SORCS1: variants seen among roughly 807,000 people sequenced by gnomAD.
SORCS1 encodes the protein sortilin related VPS10 domain containing receptor 1, also known as VPS10 domain-containing receptor SorCS1.
In SORCS1, 60 loss-of-function variants were observed where a neutral mutation model predicts 146.1. The observed-to-expected ratio is 0.41, with a 90% CI of 0.33 to 0.51. SORCS1 has a LOEUF of 0.51. Among genes scored for constraint, SORCS1 ranks in the 20% least tolerant of loss-of-function variants. The pLI is 0.21. For synonymous variants in SORCS1, 637 were observed against 584.0 expected (o/e 1.09, Z -1.31); for missense variants, 1,352 against 1,487.6 (o/e 0.91, Z 1.50).
chr10:106,959,899 T>A (rs1955140808), intron 1 of SORCS1, among the ~76,000 whole-genome samples: 1 of 152,186 alleles, frequency 6.6e-6, no homozygotes, highest in South Asian at 2.1e-4. Flanking sequence ...CACACAATTT[T>A]CATGTATAGA....
intron 2 of SORCS1, among the ~76,000 whole-genome samples, chr10:106,848,194 C>A (rs1264888598): frequency 2.4e-5 from 2 of 84,228 alleles, no homozygotes; most frequent in African/African-American, 9.2e-5. Context: ...GTGTTAAAGT[C>A]TCCCATTATT....
intron 1 of SORCS1, among the ~76,000 whole-genome samples, chr10:107,040,584 C>A (rs992679363): frequency 6.6e-6 from 1 of 152,170 alleles, no homozygotes; most frequent in African/African-American, 2.4e-5. Context: ...AAGCACCTTT[C>A]TGAATTTAGG....
chr10:107,087,992 C>T (rs566583205), intron 1 of SORCS1, among the ~76,000 whole-genome samples: 3 of 152,212 alleles, frequency 2.0e-5, no homozygotes, highest in Non-Finnish European at 4.4e-5. Context: ...GATCTCGGCT[C>T]ACGGCAAGCT....
intron 2 of SORCS1, among the ~76,000 whole-genome samples, chr10:106,850,243 G>A (rs1436993826): frequency 9.9e-5 from 15 of 152,188 alleles, no homozygotes; most frequent in Middle Eastern, 3.4e-3. Context: ...GCGAGACTCC[G>A]TGGGTGGAGG....
At chr10:107,063,470 T>C (rs1961434190) in intron 1 of SORCS1, among the ~76,000 whole-genome samples, 3 of 152,360 alleles carry the variant, frequency 2.0e-5, no homozygotes, top group African/African-American at 7.2e-5. Flanking sequence ...TTTCCCATTC[T>C]GGTTAATAAA....
At chr10:106,880,873 G>C (rs543776528) in intron 2 of SORCS1, among the ~76,000 whole-genome samples, 1 of 151,952 alleles carries the variant, frequency 6.6e-6, no homozygotes, top group African/African-American at 2.4e-5. Context: ...CGGATCACAA[G>C]GTCAGGAGAT....
At chr10:106,989,007 T>A (rs959437823) in intron 1 of SORCS1, among the ~76,000 whole-genome samples, 42 of 151,180 alleles carry the variant, frequency 2.8e-4, no homozygotes, top group African/African-American at 9.7e-4. Flanking sequence ...ACACCCGTAA[T>A]CCCAGCACTT....
intron 5 of SORCS1, among the ~76,000 whole-genome samples, chr10:106,761,104 AAAATAAAT>A (rs537373352): frequency 6.6e-6 from 1 of 152,050 alleles, no homozygotes; most frequent in Non-Finnish European, 1.5e-5. Context: ...GAGACTGTCT[AAAATAAAT>A]AAATAAATAA....
intron 1 of SORCS1, among the ~76,000 whole-genome samples, chr10:107,138,069 C>A (rs2134691510): frequency 6.6e-6 from 1 of 152,234 alleles, no homozygotes; most frequent in East Asian, 1.9e-4. Context: ...ACAATAATCA[C>A]AGCCAAAATA....
intron 1 of SORCS1, among the ~76,000 whole-genome samples, chr10:107,021,084 C>G (rs1236091741): frequency 6.6e-6 from 1 of 152,036 alleles, no homozygotes; most frequent in Non-Finnish European, 1.5e-5. Context: ...TGGGTGCACA[C>G]ATGAATACAC....
intron 2 of SORCS1, among the ~76,000 whole-genome samples, chr10:106,893,941 CAGA>C (rs1951343078): frequency 6.6e-6 from 1 of 152,112 alleles, no homozygotes; most frequent in Non-Finnish European, 1.5e-5. Context: ...TTTATTTGCA[CAGA>C]AGTTTTTCAT....
chr10:107,147,504 C>T (rs1163902157), intron 1 of SORCS1, among the ~76,000 whole-genome samples: 1 of 152,134 alleles, frequency 6.6e-6, no homozygotes, highest in Non-Finnish European at 1.5e-5. Flanking sequence ...CTCTCTCTCT[C>T]TGTCTCTCTG....
intron 3 of SORCS1, among the ~76,000 whole-genome samples, chr10:106,778,070 G>A (rs1029513453): frequency 6.6e-6 from 1 of 152,080 alleles, no homozygotes; most frequent in African/African-American, 2.4e-5. Context: ...CAAGCATTTG[G>A]AGGCAATCAT....
At chr10:107,109,292 T>TGCA (rs747140823) in intron 1 of SORCS1, among the ~76,000 whole-genome samples, 28 of 152,364 alleles carry the variant, frequency 1.8e-4, no homozygotes, top group Non-Finnish European at 4.0e-4. Flanking sequence ...GTTACACCCC[T>TGCA]GCAGCAGGCT....
intron 5 of SORCS1, among the ~76,000 whole-genome samples, chr10:106,755,533 A>G (rs752378553): frequency 3.9e-5 from 6 of 152,100 alleles, no homozygotes; most frequent in South Asian, 2.1e-4. Context: ...TCCCATCTCT[A>G]TATTTTTTCC....
rs2136372594 is a variant in SORCS1 at position 106,776,545 on chromosome 10, G to C, written c.874C>G (p.Gln292Glu). Residue 292 changes from glutamine (Q) to glutamate (E), a missense_variant, in exon 4 of 26, where the codon CAA becomes GAA. By Grantham distance (29) the Gln-to-Glu change is conservative. Transcript: ENST00000263054. ...KQEDWILAYS[Q>E]DQKLYSSAEF... The stretch of plus-strand genomic sequence containing the variant: ...GTAAGTATGCTCACCTTTTGGTCTT[G>C]ACTGTATGCCAGAATCCAGTCTTCT... 4.3e-6 allele frequency: 7 copies of C among 1,613,990 alleles called. No individual in the cohort carries two copies. The highest frequency in any genetic ancestry group is 5.9e-6 in the Non-Finnish European group (7 of 1,179,914).
intron 18 of SORCS1, among the ~76,000 whole-genome samples, chr10:106,649,903 A>G (rs1849734607): frequency 6.6e-6 from 1 of 151,970 alleles, no homozygotes; most frequent in Non-Finnish European, 1.5e-5. Flanking sequence ...TAAGTTCTTA[A>G]TATCAGTTAT....
intron 1 of SORCS1, among the ~76,000 whole-genome samples, chr10:107,068,060 T>C (rs976489104): frequency 1.3e-5 from 2 of 152,092 alleles, no homozygotes; most frequent in Admixed American, 6.5e-5. Flanking sequence ...CCTCTCTCAT[T>C]CTTTCTCCGA....
At chr10:107,152,260 G>C (rs11193217) in intron 1 of SORCS1, among the ~76,000 whole-genome samples, 5,743 of 152,276 alleles carry the variant, frequency 0.038, 253 homozygotes, top group African/African-American at 0.11. Context: ...TGGATGTCCA[G>C]GCAGAAGTTT....
Sources: allele counts gnomAD v4.1 joint callset (sites outside exome capture counted in the v4.1 genomes callset), GRCh38; gene constraint gnomAD v4.1.1; transcripts MANE v1.5; gene names NCBI Gene and HGNC (gene_info 2026-07-23, HGNC 2026-07-21).